KCNK1: variants seen among roughly 807,000 people sequenced by gnomAD.
The protein encoded by KCNK1 is potassium channel subfamily K member 1.
KCNK1 carries 10 observed loss-of-function variants against 22.2 expected under a neutral mutation model. The observed-to-expected ratio is 0.45, with a 90% CI of 0.28 to 0.76. The LOEUF is 0.76. Among genes scored for constraint, KCNK1 ranks in the 30% least tolerant of loss-of-function variants. The pLI is 0.14. For missense variants in KCNK1, 378 were observed against 421.0 expected (o/e 0.90, Z 0.89); for synonymous variants, 200 against 186.4 (o/e 1.07, Z -0.60).
rs1658592461 is a variant in KCNK1, at chr1:233,671,301, T to G, written c.782T>G (p.Leu261Trp). Residue 261 changes from leucine to tryptophan, a missense_variant, in exon 3 of 3, where the codon TTG becomes TGG. Physicochemically the swap from Leu to Trp is moderately conservative, Grantham distance 61. Coordinates refer to ENST00000366621, the MANE Select transcript of KCNK1 (RefSeq NM_002245.4). ...CTGCTACTTGGCCTTATTGCCATGTTGGTAGTTCTGGAAACCTTCTGTGAA... is the reference window on the plus strand; with the variant it reads ...CTGCTACTTGGCCTTATTGCCATGTGGGTAGTTCTGGAAACCTTCTGTGAA... Reference protein sequence around the residue: ...CYLLLGLIAMLVVLETFCELH... With the variant: ...CYLLLGLIAMWVVLETFCELH... 1 of 1,614,222 alleles carries G rather than the reference T, an allele frequency of 6.2e-7. No homozygotes were observed. The highest frequency in any genetic ancestry group is 8.5e-7 in the Non-Finnish European group (1 of 1,180,014).
chr1:233,643,640 G>A (rs1658040366), intron 1 of KCNK1, among the ~76,000 whole-genome samples: 1 of 151,874 alleles, frequency 6.6e-6, no homozygotes, highest in African/African-American at 2.4e-5. Context: ...CTGCCCACCA[G>A]GTCTTAGACC....
intron 1 of KCNK1, among the ~76,000 whole-genome samples, chr1:233,618,384 GT>G (rs201768311): frequency 0.052 from 7,558 of 146,706 alleles, 278 homozygotes; most frequent in Middle Eastern, 0.098. Context: ...TCTATACTGT[GT>G]TTTTTTTTTT....
rs534201516 is a variant in KCNK1, at chr1:233,644,564, T to C, written c.356-22031T>C. Among the ~76,000 whole-genome samples, 3 of 152,176 alleles carry C rather than the reference T, an allele frequency of 2.0e-5. No individual in the cohort carries two copies. The South Asian group carries it at 6.2e-4, about 32-fold the overall frequency. On this transcript the variant is annotated intron_variant, in intron 1 of 2. Coordinates refer to ENST00000366621, the MANE Select transcript of KCNK1 (RefSeq NM_002245.4). ...ATGACTGGGGAGGGAGTGAGGCTAT[T>C]ATAGGAAGGGTGACCAGAAAGCCTT...
At chr1:233,652,725 G>A (rs543539823) in intron 1 of KCNK1, among the ~76,000 whole-genome samples, 6 of 152,224 alleles carry the variant, frequency 3.9e-5, no homozygotes, top group East Asian at 1.9e-4. Context: ...TTTCAAGCAC[G>A]TCTCCCCTGT....
intron 1 of KCNK1, among the ~76,000 whole-genome samples, chr1:233,619,787 G>A (rs1220079791): frequency 2.6e-5 from 4 of 152,018 alleles, no homozygotes; most frequent in African/African-American, 9.7e-5. Flanking sequence ...GTGCACACCT[G>A]TAATCCCAGC....
At chr1:233,662,265 T>TC (rs1558119275) in intron 1 of KCNK1, among the ~76,000 whole-genome samples, 1 of 137,080 alleles carries the variant, frequency 7.3e-6, no homozygotes, top group East Asian at 2.6e-4. Context: ...TTCTTCTTCT[T>TC]CTTCTTCTCC....
At chr1:233,664,097 T>C (rs1387611614) in intron 1 of KCNK1, among the ~76,000 whole-genome samples, 1 of 152,152 alleles carries the variant, frequency 6.6e-6, no homozygotes, top group Non-Finnish European at 1.5e-5. Flanking sequence ...CCCAAAGTCC[T>C]GGGATTATAG....
intron 1 of KCNK1, among the ~76,000 whole-genome samples, chr1:233,625,435 C>G (rs1657672519): frequency 6.6e-6 from 1 of 152,038 alleles, no homozygotes. Flanking sequence ...GTTCTGGTCT[C>G]TAGGATCCAC....
intron 1 of KCNK1, among the ~76,000 whole-genome samples, chr1:233,624,958 T>C (rs889111768): frequency 6.6e-6 from 1 of 152,198 alleles, no homozygotes; most frequent in Non-Finnish European, 1.5e-5. Flanking sequence ...GATACAATTG[T>C]AGGGGCCAAG....
chr1:233,645,571 C>G (rs1441915615), intron 1 of KCNK1, among the ~76,000 whole-genome samples: 21 of 152,244 alleles, frequency 1.4e-4, no homozygotes, highest in Non-Finnish European at 3.1e-4. Flanking sequence ...CCCCTACAGC[C>G]TTCGGAGGGA....
chr1:233,658,094 G>C (rs1176236197), intron 1 of KCNK1, among the ~76,000 whole-genome samples: 1 of 152,098 alleles, frequency 6.6e-6, no homozygotes, highest in Non-Finnish European at 1.5e-5. Context: ...TGGAAAAACA[G>C]TTCTAAAAAT....
At chr1:233,644,043 G>A (rs1658047503) in intron 1 of KCNK1, among the ~76,000 whole-genome samples, 2 of 152,082 alleles carry the variant, frequency 1.3e-5, no homozygotes, top group Non-Finnish European at 2.9e-5. Context: ...AATACCACTG[G>A]GTGATTTATA....
At chr1:233,650,850 G>T (rs199602736) in intron 1 of KCNK1, among the ~76,000 whole-genome samples, 1 of 150,312 alleles carries the variant, frequency 6.7e-6, no homozygotes, top group East Asian at 2.0e-4. Flanking sequence ...TCCTCCAAAA[G>T]ATACAGAGAT....
At chr1:233,633,729 T>G (rs1402163029) in intron 1 of KCNK1, among the ~76,000 whole-genome samples, 1 of 152,152 alleles carries the variant, frequency 6.6e-6, no homozygotes, top group Non-Finnish European at 1.5e-5. Flanking sequence ...GGGATAGTTT[T>G]TGGTTGTTGT....
chr1:233,665,727 G>A (rs1305772415), intron 1 of KCNK1, among the ~76,000 whole-genome samples: 1 of 152,218 alleles, frequency 6.6e-6, no homozygotes, highest in African/African-American at 2.4e-5. Context: ...AATCACAGTT[G>A]ACAGCAAGGC....
chr1:233,671,788 A>G lies in KCNK1; in HGVS notation c.*258A>G. 2.0e-6 allele frequency: 1 copy of G among 487,860 alleles called. No homozygotes were observed. Among genetic ancestry groups the G allele is most frequent in the East Asian group, 3.7e-5 (1 of 27,048 alleles). The allele number at this position is 487,860 out of a possible 1,614,324, so 30.2% of individuals were successfully genotyped here. A position where few individuals can be genotyped will look rare whatever the true frequency, so the allele number is the denominator to read the frequency against. ...TATGTGACAAAATTATCTCGACCTT[A>G]CATAGGAGGAGAATACTTGAAGCAG... On this transcript the variant is annotated 3_prime_UTR_variant, in exon 3 of 3. Coordinates refer to ENST00000366621, the MANE Select transcript of KCNK1 (RefSeq NM_002245.4).
At chr1:233,635,072 A>G (rs910951104) in intron 1 of KCNK1, among the ~76,000 whole-genome samples, 1 of 152,266 alleles carries the variant, frequency 6.6e-6, no homozygotes, top group African/African-American at 2.4e-5. Context: ...TCTTTAAAAC[A>G]GAATTCTCCT....
chr1:233,630,107 T>C (rs1467110784), intron 1 of KCNK1, among the ~76,000 whole-genome samples: 1 of 152,118 alleles, frequency 6.6e-6, no homozygotes, highest in East Asian at 1.9e-4. Flanking sequence ...ACCATCTGAA[T>C]TCTCATGGAT....
At chr1:233,640,047 A>G (rs895852668) in intron 1 of KCNK1, among the ~76,000 whole-genome samples, 2 of 152,268 alleles carry the variant, frequency 1.3e-5, no homozygotes, top group Non-Finnish European at 2.9e-5. Context: ...TTCCATCCGA[A>G]GAGAGGTCTG....
Sources: gnomAD v4.1 joint callset for allele counts (sites outside exome capture counted in the v4.1 genomes callset) on GRCh38, gnomAD v4.1.1 for gene constraint, MANE v1.5 for transcripts, NCBI Gene and HGNC (gene_info 2026-07-23, HGNC 2026-07-21) for gene names.